FBXW11: variants seen among roughly 807,000 people sequenced by gnomAD.
FBXW11 encodes F-box and WD repeat domain containing 11, also known as F-box/WD repeat-containing protein 11.
FBXW11 carries 19 observed loss-of-function variants against 77.6 expected under a neutral mutation model. The observed-to-expected ratio is 0.24, with a 90% CI of 0.17 to 0.36. The LOEUF is 0.36. Ranked by LOEUF, FBXW11 falls within the 10% of genes least tolerant of loss-of-function variation. The pLI, the probability that FBXW11 is intolerant of heterozygous loss-of-function variation, is 1.00. For missense variants in FBXW11, 334 were observed against 704.2 expected (o/e 0.47, Z 5.95); for synonymous variants, 235 against 249.4 (o/e 0.94, Z 0.54).
chr5:171,991,027 T>C (rs900837439), intron 1 of FBXW11, among the ~76,000 whole-genome samples: 15 of 152,154 alleles, frequency 9.9e-5, no homozygotes, highest in African/African-American at 3.4e-4. Context: ...GGTTTCATCA[T>C]GTTGGTCAGG....
chr5:171,966,920 TTAC>T (rs1764222726), intron 1 of FBXW11, among the ~76,000 whole-genome samples: 1 of 152,164 alleles, frequency 6.6e-6, no homozygotes, highest in African/African-American at 2.4e-5. Flanking sequence ...CAGCTGAGTT[TTAC>T]AGACAAGAAA....
At position 171,869,936 on chromosome 5, in the gene FBXW11, T is replaced by G. The variant is rs754226360; in HGVS notation, c.1452-129A>C. On this transcript the variant is annotated intron_variant, in intron 11 of 13. Coordinates refer to ENST00000517395, the MANE Select transcript of FBXW11 (RefSeq NM_001378974.1). The surrounding 1 kb of genome is among the most constrained non-coding windows in gnomAD (Gnocchi z 4.1). ...AAGCTAATGGGGAACATGCTTATGT[T>G]TTTACAAATCATCTGAACCAATTAC... 3.3e-5 allele frequency: 16 copies of G among 490,572 alleles called. No homozygotes were observed. The highest frequency in any genetic ancestry group is 5.5e-5 in the Non-Finnish European group (15 of 272,900). 30.4% of individuals were successfully genotyped at this position (490,572 alleles called of 1,614,324 possible).
At chr5:171,955,159 C>T (rs922192042) in intron 2 of FBXW11, among the ~76,000 whole-genome samples, 1 of 152,182 alleles carries the variant, frequency 6.6e-6, no homozygotes, top group Non-Finnish European at 1.5e-5. Context: ...TAGAAACTTC[C>T]GGAATGGGTA....
Position 171,878,493 on chromosome 5 carries a change from C to A in FBXW11, c.853-364G>T, listed in dbSNP as rs965517515. On this transcript the variant is annotated intron_variant, in intron 7 of 13. Coordinates refer to ENST00000517395, the MANE Select transcript of FBXW11 (RefSeq NM_001378974.1). ...TTTTGGGAGGCCGAGACAGAAGGATCGCTTGAGCCCAGAAGTTAAAAGACC... is the reference window on the plus strand; with the variant it reads ...TTTTGGGAGGCCGAGACAGAAGGATAGCTTGAGCCCAGAAGTTAAAAGACC... Among the ~76,000 whole-genome samples the A allele has an allele frequency of 2.0e-5, 3 of 151,664 alleles. No individual in the cohort carries two copies. The East Asian group carries it at 5.8e-4, about 29-fold the overall frequency.
chr5:171,933,743 T>G (rs1314164255), intron 2 of FBXW11, among the ~76,000 whole-genome samples: 2 of 152,160 alleles, frequency 1.3e-5, no homozygotes, highest in Non-Finnish European at 2.9e-5. Flanking sequence ...AAAGAAATAA[T>G]ACTTTGATAA....
chr5:171,980,752 G>T (rs1194193497), intron 1 of FBXW11, among the ~76,000 whole-genome samples: 1 of 152,106 alleles, frequency 6.6e-6, no homozygotes, highest in Non-Finnish European at 1.5e-5. Context: ...ACCACTTTGG[G>T]AAAAGATCTG....
intron 1 of FBXW11, among the ~76,000 whole-genome samples, chr5:171,962,455 C>A (rs923851233): frequency 6.6e-6 from 1 of 152,120 alleles, no homozygotes; most frequent in East Asian, 1.9e-4. Context: ...ATATTAACAG[C>A]TAATACCTAA....
intron 1 of FBXW11, among the ~76,000 whole-genome samples, chr5:172,006,151 A>T (rs1157645440): frequency 6.6e-6 from 1 of 152,224 alleles, no homozygotes; most frequent in East Asian, 1.9e-4. Flanking sequence ...ATGGGGTGCT[A>T]GAGCGAGTGC....
intron 1 of FBXW11, among the ~76,000 whole-genome samples, chr5:171,973,156 T>G (rs894540534): frequency 6.6e-6 from 1 of 152,184 alleles, no homozygotes; most frequent in Admixed American, 6.6e-5. Flanking sequence ...ACACTGAACT[T>G]GAATCTAACC....
At chr5:171,870,631 AC>A (rs767049578) in intron 11 of FBXW11, 116 bp downstream of exon 11, 115 of 691,296 alleles carry the variant, frequency 1.7e-4, no homozygotes, top group Non-Finnish European at 2.7e-4. Flanking sequence ...CCTGCCATCC[AC>A]CATTACACAG....
intron 1 of FBXW11, among the ~76,000 whole-genome samples, chr5:171,966,369 T>C (rs535948938): frequency 1.4e-3 from 209 of 152,296 alleles, no homozygotes; most frequent in Non-Finnish European, 1.8e-3. Flanking sequence ...TTGTCCACTT[T>C]ACAACTACCA....
chr5:171,905,598 C>CG (rs889929139), intron 4 of FBXW11, among the ~76,000 whole-genome samples: 10 of 102,200 alleles, frequency 9.8e-5, no homozygotes, highest in Non-Finnish European at 2.0e-4. Context: ...AACCCCCCCC[C>CG]CTTTATTTTC....
chr5:171,944,721 ACTT>A (rs1166126220), intron 2 of FBXW11, among the ~76,000 whole-genome samples: 4 of 152,162 alleles, frequency 2.6e-5, no homozygotes, highest in South Asian at 4.1e-4. Flanking sequence ...TCAAAAGAGA[ACTT>A]TTTAAAGCAA....
intron 7 of FBXW11, among the ~76,000 whole-genome samples, chr5:171,889,800 A>C (rs1249610387): frequency 6.6e-6 from 1 of 152,012 alleles, no homozygotes; most frequent in Admixed American, 6.6e-5. Context: ...AGGCAGGATA[A>C]TCGCTCAAAC....
intron 7 of FBXW11, among the ~76,000 whole-genome samples, chr5:171,879,245 T>TA (rs1310462467): frequency 6.6e-6 from 1 of 152,228 alleles, no homozygotes; most frequent in Non-Finnish European, 1.5e-5. Context: ...CACACAGTAA[T>TA]ACACACTTAC....
intron 1 of FBXW11, among the ~76,000 whole-genome samples, chr5:171,973,953 G>A (rs925590845): frequency 6.6e-6 from 1 of 152,136 alleles, no homozygotes; most frequent in Admixed American, 6.6e-5. Context: ...ATATATGTGT[G>A]TGTATGTTTT....
At chr5:171,978,955 A>C (rs1764995942) in intron 1 of FBXW11, among the ~76,000 whole-genome samples, 1 of 152,212 alleles carries the variant, frequency 6.6e-6, no homozygotes, top group East Asian at 1.9e-4. Flanking sequence ...TTAAAACCCT[A>C]AAATGGCATA....
chr5:171,983,131 GGT>G (rs1385318479), intron 1 of FBXW11, among the ~76,000 whole-genome samples: 1 of 152,086 alleles, frequency 6.6e-6, no homozygotes, highest in Non-Finnish European at 1.5e-5. Flanking sequence ...TCAAGGCTGT[GGT>G]GAGCTGTTTG....
chr5:171,872,222 A>T (rs1273511430), intron 10 of FBXW11, among the ~76,000 whole-genome samples: 1 of 152,206 alleles, frequency 6.6e-6, no homozygotes, highest in Non-Finnish European at 1.5e-5. Flanking sequence ...AAAAACAAAA[A>T]ACTTTTTTTA....
Sources: gnomAD v4.1 joint callset for allele counts (sites outside exome capture counted in the v4.1 genomes callset) on GRCh38, gnomAD v4.1.1 for gene constraint, Gnocchi (gnomAD v3.1) non-coding constraint, MANE v1.5 for transcripts, NCBI Gene and HGNC (gene_info 2026-07-23, HGNC 2026-07-21) for gene names.